RNF17: variants seen among roughly 807,000 people sequenced by gnomAD.
The protein encoded by RNF17 is spermatogenesis associated 23.
In RNF17, 31 loss-of-function variants were observed where a neutral mutation model predicts 200.5. The observed-to-expected ratio is 0.15, with a 90% confidence interval of 0.12 to 0.21. The LOEUF (loss-of-function observed/expected upper bound fraction) is 0.21, where lower values mean the gene tolerates loss of function less well. RNF17 is among the 10% of genes least tolerant of loss of function. The pLI is 1.00. For missense variants in RNF17, 1,628 were observed against 1,905.1 expected, an observed-to-expected ratio of 0.85 and a Z score of 2.71; for synonymous variants, 606 against 637.8, an observed-to-expected ratio of 0.95 and a Z score of 0.75.
chr13:24,851,366 A>G, intron 23 of RNF17, 90 bp from the exon 24 acceptor site: 2 of 870,610 alleles, frequency 2.3e-6, no homozygotes, highest in South Asian at 3.0e-5. Flanking sequence ...GCTTAGAGAA[A>G]TGTAGAAGAA....
chr13:24,828,920 C>T (rs912676051), intron 16 of RNF17, among the ~76,000 whole-genome samples: 3 of 151,928 alleles, frequency 2.0e-5, no homozygotes, highest in Non-Finnish European at 4.4e-5. Context: ...GCAGTCCTCC[C>T]ACCTCAGCCC....
chr13:24,802,358 T>G, intron 13 of RNF17, 23 bp from the exon 14 acceptor site: 6 of 1,576,146 alleles, frequency 3.8e-6, no homozygotes, highest in Non-Finnish European at 5.2e-6. Flanking sequence ...TTAATTACTA[T>G]GGAATTTTAC....
intron 15 of RNF17, among the ~76,000 whole-genome samples, chr13:24,804,967 G>T (rs1350909661): frequency 2.0e-5 from 3 of 152,114 alleles, no homozygotes; most frequent in Non-Finnish European, 4.4e-5. Flanking sequence ...CAACAATCCT[G>T]TGAGAAAGAC....
intron 2 of RNF17, among the ~76,000 whole-genome samples, chr13:24,773,486 G>A (rs1881084952): frequency 1.3e-5 from 2 of 152,284 alleles, no homozygotes; most frequent in South Asian, 4.1e-4. Context: ...CACTTCAAGT[G>A]GGAGCTAAAC....
intron 22 of RNF17, among the ~76,000 whole-genome samples, chr13:24,846,627 G>A (rs1452336859): frequency 6.6e-6 from 1 of 151,938 alleles, no homozygotes; most frequent in Non-Finnish European, 1.5e-5. Flanking sequence ...GGTTTCTCTG[G>A]GCCACATTGG....
intron 18 of RNF17, among the ~76,000 whole-genome samples, chr13:24,839,867 CAAACAT>C (rs912458132): frequency 7.4e-4 from 113 of 152,216 alleles, no homozygotes; most frequent in African/African-American, 2.6e-3. Context: ...GCAGTAAAAA[CAAACAT>C]AAATAGCTGG....
chr13:24,867,939 C>G (rs1483690763), intron 30 of RNF17, among the ~76,000 whole-genome samples: 1 of 152,172 alleles, frequency 6.6e-6, no homozygotes, highest in Non-Finnish European at 1.5e-5. Flanking sequence ...GAAAAAGGAT[C>G]TGTTCCTCAT....
At chr13:24,775,038 A>G (rs903614411) in intron 3 of RNF17, 134 bp downstream of exon 3, 8 of 578,088 alleles carry the variant, frequency 1.4e-5, no homozygotes, top group African/African-American at 9.6e-5. Flanking sequence ...TTAAGTTCAT[A>G]CTTCATCTTA....
chr13:24,818,772 A>G (rs1284773076), intron 15 of RNF17, among the ~76,000 whole-genome samples: 1 of 152,112 alleles, frequency 6.6e-6, no homozygotes, highest in Non-Finnish European at 1.5e-5. Flanking sequence ...TGTGTATAGC[A>G]TAAGGTATAA....
intron 6 of RNF17, among the ~76,000 whole-genome samples, chr13:24,786,538 T>C (rs1458289577): frequency 6.6e-6 from 1 of 152,226 alleles, no homozygotes; most frequent in Non-Finnish European, 1.5e-5. Context: ...TAGCCTTCTT[T>C]CACATTAACG....
intron 6 of RNF17, 132 bp downstream of exon 6, chr13:24,782,076 TG>T: frequency 1.5e-6 from 1 of 671,624 alleles, no homozygotes. Flanking sequence ...CAAACAAGTT[TG>T]GAAGTTGGTA....
chr13:24,843,944 GGTT>G lies in RNF17; in HGVS notation c.2808_2810del (p.Leu937del), dbSNP rs1355366539. 32 of 1,496,808 alleles carry G rather than the reference GGTT, an allele frequency of 2.1e-5. No homozygotes were observed. Among genetic ancestry groups the G allele is most frequent in the African/African-American group, 2.8e-5 (2 of 70,704 alleles). 92.7% of individuals were successfully genotyped at this position (1,496,808 alleles called of 1,614,324 possible). On this transcript the variant is annotated inframe_deletion, in exon 20 of 36. Transcript: ENST00000255324. ...TCTCCTGAGAAGATTTATGTTCAGT[GGTT>G]GTTAACTGAAAACTTACTTAATAGG... is the stretch of plus-strand genomic sequence containing the variant.
intron 15 of RNF17, among the ~76,000 whole-genome samples, chr13:24,804,945 C>T (rs1885669564): frequency 6.6e-6 from 1 of 152,058 alleles, no homozygotes; most frequent in Admixed American, 6.6e-5. Context: ...GGAATTAACT[C>T]ATTAATCTTT....
At chr13:24,763,758 G>T (rs548203445), upstream of RNF17, among the ~76,000 whole-genome samples, 26 of 152,244 alleles carry the variant, frequency 1.7e-4, no homozygotes, top group South Asian at 5.2e-3. Context: ...CCCAACGATA[G>T]CTTCTCATTA....
intron 2 of RNF17, among the ~76,000 whole-genome samples, chr13:24,769,085 G>T (rs1488992955): frequency 2.3e-4 from 33 of 145,760 alleles, no homozygotes. Context: ...TGTGGTAGTA[G>T]ATCCCTGATG....
At chr13:24,778,471 A>C in intron 4 of RNF17, 65 bp downstream of exon 4, 1 of 978,156 alleles carries the variant, frequency 1.0e-6, no homozygotes, top group Non-Finnish European at 1.6e-6. Flanking sequence ...CTAGTAGCTC[A>C]ACTTTCTTCT....
chr13:24,837,128 G>C (rs1890092089), intron 18 of RNF17, among the ~76,000 whole-genome samples: 1 of 152,154 alleles, frequency 6.6e-6, no homozygotes, highest in Admixed American at 6.6e-5. Context: ...AAGAGAGAGA[G>C]AGGAACGTTA....
intron 31 of RNF17, among the ~76,000 whole-genome samples, chr13:24,869,836 T>C (rs982182876): frequency 2.6e-5 from 4 of 151,782 alleles, no homozygotes; most frequent in Non-Finnish European, 5.9e-5. Flanking sequence ...GACATAAACA[T>C]AGCTCACTGA....
chr13:24,814,130 T>C (rs1887108461), intron 15 of RNF17, among the ~76,000 whole-genome samples: 1 of 152,140 alleles, frequency 6.6e-6, no homozygotes, highest in Non-Finnish European at 1.5e-5. Flanking sequence ...AGAGAAAATA[T>C]ATTTACTATT....
Sources: allele counts gnomAD v4.1 joint callset (sites outside exome capture counted in the v4.1 genomes callset), GRCh38; gene constraint gnomAD v4.1.1; transcripts MANE v1.5; gene names NCBI Gene and HGNC (gene_info 2026-07-23, HGNC 2026-07-21).